MAPK13: variants seen among roughly 807,000 people sequenced by gnomAD.
MAPK13 encodes MAP kinase 13.
Under a neutral mutation model 53.5 loss-of-function variants are expected in MAPK13, and 39 were observed. The observed-to-expected ratio is 0.73, with a 90% confidence interval of 0.56 to 0.95. The LOEUF (loss-of-function observed/expected upper bound fraction) is 0.95. MAPK13 is among the 40% of genes least tolerant of loss of function. The probability of loss-of-function intolerance (pLI) is 0.00; values close to 1 mark genes in which losing one functional copy is unlikely to be tolerated. For synonymous variants in MAPK13, 179 were observed against 190.9 expected, an observed-to-expected ratio of 0.94 and a Z score of 0.51; for missense variants, 460 against 471.8, an observed-to-expected ratio of 0.98 and a Z score of 0.23.
At position 36,141,613 on chromosome 6, in the gene MAPK13, A is replaced by C. The variant is rs959645671; in HGVS notation, c.*2240A>C. Reference sequence around the variant, plus strand: ...CTTGAACCTGGGAGGTGGAGGTTGCAGTGAGCTGAGATCACACCACTGCAC... The same window carrying C: ...CTTGAACCTGGGAGGTGGAGGTTGCCGTGAGCTGAGATCACACCACTGCAC... On this transcript the variant is annotated 3_prime_UTR_variant, in exon 12 of 12. Coordinates refer to ENST00000211287, the MANE Select transcript of MAPK13 (RefSeq NM_002754.5). 6.6e-6 allele frequency: 1 copy of C among 152,460 alleles called. No individual in the cohort carries two copies. The highest frequency in any genetic ancestry group is 1.5e-5 in the Non-Finnish European group (1 of 68,246). The allele number at this position is 152,460 out of a possible 1,614,324, so 9.4% of individuals were successfully genotyped here.
At chr6:36,136,426 G>A (rs572073722) in intron 5 of MAPK13, 58 bp from the exon 6 acceptor site, 3 of 1,455,032 alleles carry the variant, frequency 2.1e-6, no homozygotes, top group South Asian at 2.7e-5. Flanking sequence ...TGGTGGTGGA[G>A]CTAGGACAAG....
rs2127486604 is a variant in MAPK13, at chr6:36,136,030, T to G, written c.429T>G (p.Ser143=). The G allele has an allele frequency of 1.2e-6, 2 of 1,614,124 alleles. No individual in the cohort carries two copies. The part of the protein sequence containing the change: ...QMLKGLKYIH[S]AGVVHRDLKP... ...TCTCTCCCACATAGTACATCCACTCTGCTGGGGTCGTGCACAGGGTGAGTG... is the reference window on the plus strand; with the variant it reads ...TCTCTCCCACATAGTACATCCACTCGGCTGGGGTCGTGCACAGGGTGAGTG... The change falls in exon 5 of 12, where the codon TCT becomes TCG. Residue 143 remains serine, a synonymous_variant. Coordinates refer to ENST00000211287, the MANE Select transcript of MAPK13 (RefSeq NM_002754.5).
Position 36,130,544 on chromosome 6 carries a change from C to G in MAPK13, c.-39C>G, listed in dbSNP as rs1766294751. 7.9e-6 allele frequency: 9 copies of G among 1,143,786 alleles called. No homozygotes were observed. Among genetic ancestry groups the G allele is most frequent in the Non-Finnish European group, 1.1e-5 (9 of 807,680 alleles). The allele number at this position is 1,143,786 out of a possible 1,614,324, so 70.9% of individuals were successfully genotyped here. On this transcript the variant is annotated 5_prime_UTR_variant, in exon 1 of 12. Coordinates refer to ENST00000211287, the MANE Select transcript of MAPK13 (RefSeq NM_002754.5). The surrounding 1 kb of genome is among the most constrained non-coding windows in gnomAD (Gnocchi z 4.5). ...CTGGGAGCCCGTTGGGCCGCGAACGCAGCCGCCACGCTGGGGCCGCCGAGA... is the reference window on the plus strand; with the variant it reads ...CTGGGAGCCCGTTGGGCCGCGAACGGAGCCGCCACGCTGGGGCCGCCGAGA...
At chr6:36,134,170 C>G (rs1766370673) in intron 3 of MAPK13, among the ~76,000 whole-genome samples, 1 of 152,148 alleles carries the variant, frequency 6.6e-6, no homozygotes, top group African/African-American at 2.4e-5. Context: ...AAGCATGTTG[C>G]CAAGATGAAA....
In MAPK13 at chr6:36,139,910, GTC is replaced by G. The variant is rs892167554; in HGVS notation, c.*541_*542del. On this transcript the variant is annotated 3_prime_UTR_variant, in exon 12 of 12. Coordinates refer to ENST00000211287, the MANE Select transcript of MAPK13 (RefSeq NM_002754.5). Reference sequence around the variant, plus strand: ...CCCAGCTTATTGCTGCATCACTCCAGTCTCTGTCTCTTCTGTTCTCTCCTCTT... The same window carrying G: ...CCCAGCTTATTGCTGCATCACTCCAGTCTGTCTCTTCTGTTCTCTCCTCTT... 1 of 155,316 alleles carries G rather than the reference GTC, an allele frequency of 6.4e-6. No individual in the cohort carries two copies. Among genetic ancestry groups the G allele is most frequent in the Admixed American group, 6.3e-5 (1 of 15,816 alleles). The allele number at this position is 155,316 out of a possible 1,614,324, so 9.6% of individuals were successfully genotyped here. A position where few individuals can be genotyped will look rare whatever the true frequency, so the allele number is the denominator to read the frequency against.
At chr6:36,135,556 C>T (rs938373021) in intron 3 of MAPK13, among the ~76,000 whole-genome samples, 197 bp from the exon 4 acceptor site, 1 of 152,210 alleles carries the variant, frequency 6.6e-6, no homozygotes, top group African/African-American at 2.4e-5. Flanking sequence ...GCCAGCTGGG[C>T]GGCCCGCCAC....
At chr6:36,131,555 G>A (rs201851318) in intron 2 of MAPK13, among the ~76,000 whole-genome samples, 155 bp downstream of exon 2, 2 of 152,278 alleles carry the variant, frequency 1.3e-5, no homozygotes, top group East Asian at 3.9e-4. Context: ...AGGGGGTGCC[G>A]AGACCTTCCC....
chr6:36,138,981 A>G lies in MAPK13; in HGVS notation c.944A>G (p.Glu315Gly). 1 of 1,613,846 alleles carries G rather than the reference A, an allele frequency of 6.2e-7. No individual in the cohort carries two copies. The highest frequency in any genetic ancestry group is 2.2e-5 in the East Asian group (1 of 44,872). Reference sequence around the variant, plus strand: ...TTCTTTGAACCCTTCCGGGACCCTGAGGAAGAGACGGAGGCCCAGCAGCCG... The same window carrying G: ...TTCTTTGAACCCTTCCGGGACCCTGGGGAAGAGACGGAGGCCCAGCAGCCG... ...HPFFEPFRDP[E>G]EETEAQQPFD... The change falls in exon 11 of 12, where the codon GAG (glutamate) becomes GGG (glycine). Residue 315 changes from glutamate to glycine, a missense_variant. Glu to Gly is a moderately conservative substitution (Grantham distance 98). Transcript: ENST00000211287.
Position 36,139,566 on chromosome 6 carries a change from CAG to C in MAPK13, c.*194_*195del. The C allele has an allele frequency of 1.2e-5, 7 of 575,224 alleles. 1 individual carries two copies. In the South Asian group the frequency reaches 1.4e-4, roughly 12 times the overall value. The allele number at this position is 575,224 out of a possible 1,614,324, so 35.6% of individuals were successfully genotyped here. A position where few individuals can be genotyped will look rare whatever the true frequency, so the allele number is the denominator to read the frequency against. The stretch of plus-strand genomic sequence containing the variant: ...TGGGAGAAACTAGCTCTGATCCTAA[CAG>C]GCCACGTTAAACTGCCCATCTGGAG... On this transcript the variant is annotated 3_prime_UTR_variant, in exon 12 of 12. Transcript: ENST00000211287.
intron 3 of MAPK13, among the ~76,000 whole-genome samples, chr6:36,133,351 A>C (rs1766355217): frequency 6.6e-6 from 1 of 152,204 alleles, no homozygotes; most frequent in South Asian, 2.1e-4. Context: ...AGAAAGGAGT[A>C]GGAAGCAGCT....
At chr6:36,132,845 T>C (rs1213254487) in intron 3 of MAPK13, among the ~76,000 whole-genome samples, 166 bp downstream of exon 3, 1 of 152,198 alleles carries the variant, frequency 6.6e-6, no homozygotes, top group Non-Finnish European at 1.5e-5. Context: ...TCTGGAAAGA[T>C]GCTTTTAGCC....
intron 8 of MAPK13, among the ~76,000 whole-genome samples, chr6:36,137,649 CA>C (rs71540139): frequency 1.0e-3 from 120 of 120,172 alleles, no homozygotes; most frequent in Middle Eastern, 5.2e-3. Context: ...GACCCTAACT[CA>C]AAAAAAAAAA....
rs747597727 is a variant in MAPK13 at position 36,136,720 on chromosome 6, G to T, written c.560G>T (p.Trp187Leu). ...ATGACTGGCTACGTGGTGACCCGCT[G>T]GTACCGAGCCCCCGAGGTGATCCTC... ...AEMTGYVVTR[W>L]YRAPEVILSW... is the part of the protein sequence containing the mutation. Residue 187 changes from tryptophan to leucine, a missense_variant, in exon 7 of 12, where the codon TGG (tryptophan) becomes TTG (leucine). By Grantham distance (61) the Trp-to-Leu change is moderately conservative (BLOSUM62 -2). Coordinates refer to ENST00000211287, the MANE Select transcript of MAPK13 (RefSeq NM_002754.5). 10 of 1,614,026 alleles carry T rather than the reference G, an allele frequency of 6.2e-6. No homozygotes were observed. The highest frequency in any genetic ancestry group is 8.5e-6 in the Non-Finnish European group (10 of 1,179,948).
Position 36,139,633 on chromosome 6 carries a change from G to A in MAPK13, c.*260G>A, listed in dbSNP as rs763256711. 6.1e-6 allele frequency: 3 copies of A among 491,618 alleles called. No homozygotes were observed. Among genetic ancestry groups the A allele is most frequent in the African/African-American group, 2.0e-5 (1 of 50,924 alleles). 30.5% of individuals were successfully genotyped at this position (491,618 alleles called of 1,614,324 possible). On this transcript the variant is annotated 3_prime_UTR_variant, in exon 12 of 12. Transcript: ENST00000211287. The stretch of plus-strand genomic sequence containing the variant: ...GGGGCCCTTTCCTTCCCGCCAGAGT[G>A]GGGCTGAGTGGGCGCTGAGCCAGGC...
intron 3 of MAPK13, among the ~76,000 whole-genome samples, chr6:36,133,744 T>C (rs987830298): frequency 6.6e-6 from 1 of 152,178 alleles, no homozygotes; most frequent in Non-Finnish European, 1.5e-5. Context: ...GGGTTATAGC[T>C]GACACCCGGG....
chr6:36,139,347 C>A lies in MAPK13; in HGVS notation c.1072C>A (p.Arg358=). 2 of 1,614,132 alleles carry A rather than the reference C, an allele frequency of 1.2e-6. No individual in the cohort carries two copies. The highest frequency in any genetic ancestry group is 2.2e-5 in the South Asian group (2 of 91,082). Residue 358 remains arginine, a synonymous_variant, in exon 12 of 12, where the codon CGG becomes AGG. Coordinates refer to ENST00000211287, the MANE Select transcript of MAPK13 (RefSeq NM_002754.5). ...CAGCCCCATTGCCCGGAAGGACTCA[C>A]GGCGCCGGAGTGGCATGAAGCTGTA... is the stretch of plus-strand genomic sequence containing the variant. The part of the protein sequence containing the change: ...NFSPIARKDS[R]RRSGMKL
At position 36,139,283 on chromosome 6, in the gene MAPK13, G is replaced by T; in HGVS notation, c.1019-11G>T. On this transcript the variant is annotated splice_polypyrimidine_tract_variant and intron_variant, in intron 11 of 11. Coordinates refer to ENST00000211287, the MANE Select transcript of MAPK13 (RefSeq NM_002754.5). ...CTCTTTACGCACCTTAAACCATGCT[G>T]CCTTTCTCAGAGCACATCTACAAGG... is the stretch of plus-strand genomic sequence containing the variant. 2 of 1,613,314 alleles carry T rather than the reference G, an allele frequency of 1.2e-6. No homozygotes were observed. Among genetic ancestry groups the T allele is most frequent in the Non-Finnish European group, 1.7e-6 (2 of 1,179,324 alleles).
At position 36,130,909 on chromosome 6, in the gene MAPK13, T is replaced by C. The variant is rs114218828; in HGVS notation, c.119+208T>C. 93 of 513,304 alleles carry C rather than the reference T, an allele frequency of 1.8e-4. No individual in the cohort carries two copies. The highest frequency in any genetic ancestry group is 1.8e-3 in the African/African-American group (89 of 49,342). The allele number at this position is 513,304 out of a possible 1,614,324, so 31.8% of individuals were successfully genotyped here. ...CTGGGGGTTGAGTTGGGACTGGGCC[T>C]GGTTCTCCAGGACTGTACACTTGCA... On this transcript the variant is annotated intron_variant, in intron 1 of 11. Coordinates refer to ENST00000211287, the MANE Select transcript of MAPK13 (RefSeq NM_002754.5). The surrounding 1 kb of genome is among the most constrained non-coding windows in gnomAD (Gnocchi z 4.5).
chr6:36,139,255 C>A lies in MAPK13; in HGVS notation c.1019-39C>A, dbSNP rs574706756. On this transcript the variant is annotated intron_variant, in intron 11 of 11. Coordinates refer to ENST00000211287, the MANE Select transcript of MAPK13 (RefSeq NM_002754.5). ...AGGGGGGTGGACTTTCTCGCCACAG[C>A]ACCTCTTTACGCACCTTAAACCATG... 4 of 1,581,822 alleles carry A rather than the reference C, an allele frequency of 2.5e-6. No individual in the cohort carries two copies. The African/African-American group carries it at 5.4e-5, about 21-fold the overall frequency.
Sources: gnomAD v4.1 joint callset for allele counts (sites outside exome capture counted in the v4.1 genomes callset) on GRCh38, gnomAD v4.1.1 for gene constraint, Gnocchi (gnomAD v3.1) non-coding constraint, MANE v1.5 for transcripts, NCBI Gene and HGNC (gene_info 2026-07-23, HGNC 2026-07-21) for gene names.